The following UGGT2 variants were observed in gnomAD, a reference collection of about 807,000 sequenced individuals.
The protein encoded by UGGT2 is UDP-glucose glycoprotein glucosyltransferase 2.
UGGT2 carries 180 observed loss-of-function variants against 192.1 expected under a neutral mutation model. The ratio of observed to expected loss-of-function variants is 0.94; its 90% CI spans 0.83 to 1.06. The LOEUF is 1.06. Among genes scored for constraint, UGGT2 ranks in the 50% least tolerant of loss-of-function variants. UGGT2 has a pLI of 0.00. For synonymous variants in UGGT2, 580 were observed against 591.0 expected (o/e 0.98, Z 0.27); for missense variants, 1,849 against 1,795.7 (o/e 1.03, Z -0.54).
At chr13:95,918,307 A>G (rs980360828) in intron 20 of UGGT2, among the ~76,000 whole-genome samples, 2 of 152,226 alleles carry the variant, frequency 1.3e-5, no homozygotes, top group Admixed American at 6.5e-5. Flanking sequence ...ATTAAGGCAG[A>G]AATCAAGAAT....
intron 35 of UGGT2, 57 bp from the exon 36 acceptor site, chr13:95,853,714 C>T (rs975136213): frequency 4.8e-6 from 6 of 1,254,348 alleles, no homozygotes; most frequent in Non-Finnish European, 6.6e-6. Context: ...TTTAGTTTTA[C>T]TTTCCTCCAG....
intron 2 of UGGT2, among the ~76,000 whole-genome samples, chr13:96,029,297 A>T (rs3782990): frequency 0.42 from 63,550 of 151,516 alleles, 13,483 homozygotes; most frequent in Middle Eastern, 0.46. Context: ...TTATTTATTT[A>T]TTTTTTTGAG....
chr13:95,890,334 T>G, intron 25 of UGGT2, among the ~76,000 whole-genome samples: 1 of 152,158 alleles, frequency 6.6e-6, no homozygotes, highest in Admixed American at 6.6e-5. Flanking sequence ...TAGAAATTTA[T>G]TTTCTCATAG....
intron 38 of UGGT2, among the ~76,000 whole-genome samples, chr13:95,806,498 A>G (rs768318732): frequency 2.6e-5 from 4 of 152,208 alleles, no homozygotes; most frequent in African/African-American, 4.8e-5. Context: ...AGTGATCTAC[A>G]TATCTGATGC....
chr13:95,967,143 C>A (rs1385946353), intron 12 of UGGT2, among the ~76,000 whole-genome samples: 1 of 151,772 alleles, frequency 6.6e-6, no homozygotes, highest in Non-Finnish European at 1.5e-5. Context: ...TATAAGGGCA[C>A]CACAGGCATA....
intron 22 of UGGT2, among the ~76,000 whole-genome samples, chr13:95,898,010 C>T (rs990688812): frequency 6.6e-6 from 1 of 152,048 alleles, no homozygotes. Flanking sequence ...TCCACTCTGC[C>T]AGTAACTTAG....
At position 95,856,193 on chromosome 13, in the gene UGGT2, C is replaced by T. The variant is rs747308176; in HGVS notation, c.3973G>A (p.Ala1325Thr). ...TCAACAAAAATGATTTTGTCCACTG[C>T]TAGTGGGAAAAGAACATCAAGGAAA... ...ILFLDVLFPL[A>T]VDKIIFVDAD... is the part of the protein sequence containing the mutation. The change falls in exon 34 of 39, where the codon GCA becomes ACA. Residue 1325 changes from alanine (A) to threonine (T), a missense_variant. By Grantham distance (58) the Ala-to-Thr change is moderately conservative. Transcript: ENST00000376747. The T allele has an allele frequency of 3.1e-6, 5 of 1,612,994 alleles. No individual in the cohort carries two copies. Among genetic ancestry groups the T allele is most frequent in the Non-Finnish European group, 4.2e-6 (5 of 1,179,662 alleles).
chr13:95,994,122 A>T (rs1341306968), intron 7 of UGGT2, among the ~76,000 whole-genome samples: 1 of 152,114 alleles, frequency 6.6e-6, no homozygotes, highest in Non-Finnish European at 1.5e-5. Flanking sequence ...TGATTTTTGT[A>T]ACTCATTAGA....
intron 1 of UGGT2, among the ~76,000 whole-genome samples, chr13:96,033,884 G>C (rs984240380): frequency 1.3e-5 from 2 of 152,194 alleles, no homozygotes; most frequent in African/African-American, 4.8e-5. Flanking sequence ...CCATGGACAT[G>C]GTAGATGGCA....
intron 36 of UGGT2, among the ~76,000 whole-genome samples, chr13:95,837,797 TC>T (rs1887470016): frequency 6.6e-6 from 1 of 152,234 alleles, no homozygotes; most frequent in South Asian, 2.1e-4. Flanking sequence ...TCCCTTCCTT[TC>T]CCTATAGAAG....
At chr13:95,864,402 G>C (rs1323014756) in intron 30 of UGGT2, among the ~76,000 whole-genome samples, 1 of 152,126 alleles carries the variant, frequency 6.6e-6, no homozygotes, top group Non-Finnish European at 1.5e-5. Context: ...ACAATGTAAA[G>C]ATTAACCACT....
chr13:96,038,129 A>C (rs2053059128), intron 1 of UGGT2, among the ~76,000 whole-genome samples: 1 of 152,262 alleles, frequency 6.6e-6, no homozygotes, highest in Non-Finnish European at 1.5e-5. Flanking sequence ...TAGTTTCCAC[A>C]AGTAAGGTAT....
chr13:96,043,379 G>C (rs2053219606), intron 1 of UGGT2, among the ~76,000 whole-genome samples: 1 of 152,076 alleles, frequency 6.6e-6, no homozygotes, highest in Non-Finnish European at 1.5e-5. Context: ...TCTAAATCTT[G>C]AAACAAATCA....
At chr13:95,866,163 A>T (rs1890636339) in intron 30 of UGGT2, among the ~76,000 whole-genome samples, 1 of 152,098 alleles carries the variant, frequency 6.6e-6, no homozygotes, top group Non-Finnish European at 1.5e-5. Flanking sequence ...TGTTAAAGCT[A>T]TCTACTATTA....
At chr13:95,879,335 C>T (rs1010550947) in intron 27 of UGGT2, among the ~76,000 whole-genome samples, 1 of 152,160 alleles carries the variant, frequency 6.6e-6, no homozygotes, top group Admixed American at 6.5e-5. Flanking sequence ...ACAAACATAG[C>T]CAATTCCTTT....
At chr13:96,017,910 A>C (rs2139093789) in intron 4 of UGGT2, among the ~76,000 whole-genome samples, 1 of 152,314 alleles carries the variant, frequency 6.6e-6, no homozygotes, top group South Asian at 2.1e-4. Context: ...GCATTTGGAG[A>C]GCAGTCCCTG....
chr13:95,813,336 A>C (rs929690390), intron 38 of UGGT2, among the ~76,000 whole-genome samples: 1 of 152,234 alleles, frequency 6.6e-6, no homozygotes, highest in Non-Finnish European at 1.5e-5. Flanking sequence ...CTGGCTGGGA[A>C]CTGGAGCAAA....
chr13:95,972,810 T>C (rs2140797841), intron 10 of UGGT2, 139 bp from the exon 11 acceptor site: 4 of 606,428 alleles, frequency 6.6e-6, no homozygotes, highest in Middle Eastern at 4.2e-4. Context: ...GTTGCAATTA[T>C]TGATCTCTGC....
At chr13:95,947,969 A>G in intron 14 of UGGT2, 27 bp downstream of exon 14, 3 of 1,559,076 alleles carry the variant, frequency 1.9e-6, no homozygotes, top group Non-Finnish European at 2.6e-6. Flanking sequence ...TTTAGTTGAC[A>G]GTTTAATGCT....
Sources: allele counts gnomAD v4.1 joint callset (sites outside exome capture counted in the v4.1 genomes callset), GRCh38; gene constraint gnomAD v4.1.1; transcripts MANE v1.5; gene names NCBI Gene and HGNC (gene_info 2026-07-23, HGNC 2026-07-21).